TAFA2: variants seen among roughly 807,000 people sequenced by gnomAD.
TAFA2 encodes TAFA chemokine like family member 2.
In TAFA2, 7 loss-of-function variants were observed where a neutral mutation model predicts 18.8. That is an observed-to-expected ratio of 0.37 (90% CI 0.21 to 0.70). TAFA2 has a LOEUF of 0.70. Ranked by LOEUF, TAFA2 falls within the 30% of genes least tolerant of loss-of-function variation. The pLI, the probability that TAFA2 is intolerant of heterozygous loss-of-function variation, is 0.53. For synonymous variants in TAFA2, 60 were observed against 54.2 expected, an observed-to-expected ratio of 1.11 and a Z score of -0.47; for missense variants, 122 against 158.1, an observed-to-expected ratio of 0.77 and a Z score of 1.23.
chr12:61,794,192 C>T (rs937230842), intron 2 of TAFA2, among the ~76,000 whole-genome samples: 6 of 151,934 alleles, frequency 3.9e-5, no homozygotes, highest in Admixed American at 3.3e-4. Context: ...ACTGGTAGTT[C>T]TAACTAGTTC....
chr12:61,878,925 T>C (rs1377364558), intron 1 of TAFA2, among the ~76,000 whole-genome samples: 1 of 152,160 alleles, frequency 6.6e-6, no homozygotes, highest in African/African-American at 2.4e-5. Flanking sequence ...GCAGATGGAA[T>C]CACCCCTCTT....
chr12:61,898,851 T>C (rs1294395536), intron 1 of TAFA2, among the ~76,000 whole-genome samples: 1 of 152,228 alleles, frequency 6.6e-6, no homozygotes, highest in Non-Finnish European at 1.5e-5. Flanking sequence ...GTTTTTCTTT[T>C]CTATTACATC....
intron 1 of TAFA2, among the ~76,000 whole-genome samples, chr12:62,023,195 A>G (rs1022627946): frequency 6.6e-6 from 1 of 152,198 alleles, no homozygotes; most frequent in Non-Finnish European, 1.5e-5. Context: ...TGAAATAACA[A>G]TGGATTGTTA....
chr12:62,010,756 G>A lies in TAFA2; in HGVS notation c.-1-143330C>T, dbSNP rs190670582. Among the ~76,000 whole-genome samples, 307 of 144,308 alleles carry A rather than the reference G, an allele frequency of 2.1e-3. No individual in the cohort carries two copies. In the East Asian group the frequency reaches 0.024, roughly 11 times the overall value. 94.7% of individuals were successfully genotyped at this position (144,308 alleles called of 152,430 possible). A position where few individuals can be genotyped will look rare whatever the true frequency, so the allele number is the denominator to read the frequency against. On this transcript the variant is annotated intron_variant, in intron 1 of 4. Transcript: ENST00000416284. ...TGGGAGGTGAGGGGCGTCTCTGCCC[G>A]GCCCCCCCGTCTGGGAGGTGAGGGG...
rs115941242 is a variant in TAFA2 at position 61,872,932 on chromosome 12, A to C, written c.-1-5506T>G. Reference sequence around the variant, plus strand: ...ATTTATTCTAATCTAAAATTATTCTATTCACTATTTTATACATTTGTATAA... The same window carrying C: ...ATTTATTCTAATCTAAAATTATTCTCTTCACTATTTTATACATTTGTATAA... On this transcript the variant is annotated intron_variant, in intron 1 of 4. Transcript: ENST00000416284. Among the ~76,000 whole-genome samples the C allele has an allele frequency of 7.4e-3, 1,120 of 152,146 alleles. 16 individuals are homozygous for C. Among genetic ancestry groups the C allele is most frequent in the African/African-American group, 0.026 (1,064 of 41,500 alleles).
At chr12:62,108,366 T>C (rs1243255349) in intron 1 of TAFA2, among the ~76,000 whole-genome samples, 1 of 152,238 alleles carries the variant, frequency 6.6e-6, no homozygotes, top group Non-Finnish European at 1.5e-5. Context: ...TGTGCCACAT[T>C]TTCTTTATCC....
chr12:61,716,970 G>A (rs7957259), intron 4 of TAFA2, among the ~76,000 whole-genome samples: 130,205 of 152,186 alleles, frequency 0.86, 55,675 homozygotes, highest in African/African-American at 0.88. Context: ...GGTAAAAGGG[G>A]GAATAGAATA....
chr12:61,709,331 G>A lies in TAFA2; in HGVS notation c.*1075C>T, dbSNP rs532371359. ...AGCAAATATTTATAAATTTGAGACT[G>A]AGGAAAATGAACAATTTTTTCTATC... On this transcript the variant is annotated 3_prime_UTR_variant, in exon 5 of 5. Transcript: ENST00000416284. The A allele has an allele frequency of 1.6e-4, 25 of 152,216 alleles. No homozygotes were observed. The highest frequency in any genetic ancestry group is 3.3e-4 in the Admixed American group (5 of 15,236). 9.4% of individuals were successfully genotyped at this position (152,216 alleles called of 1,614,324 possible).
At chr12:61,983,232 C>A (rs1182991535) in intron 1 of TAFA2, among the ~76,000 whole-genome samples, 1 of 152,094 alleles carries the variant, frequency 6.6e-6, no homozygotes, top group Non-Finnish European at 1.5e-5. Flanking sequence ...TCATTTTATA[C>A]CCATAGGATT....
intron 1 of TAFA2, among the ~76,000 whole-genome samples, chr12:62,186,061 ATCT>A (rs1299487309): frequency 1.3e-5 from 2 of 152,172 alleles, no homozygotes; most frequent in Admixed American, 1.3e-4. Flanking sequence ...CTTTACAAAA[ATCT>A]TCTGTTCTAG....
intron 1 of TAFA2, among the ~76,000 whole-genome samples, chr12:61,898,364 C>T (rs185720043): frequency 1.3e-5 from 2 of 152,352 alleles, no homozygotes; most frequent in African/African-American, 4.8e-5. Flanking sequence ...GGGGCTCCAA[C>T]CCCACATTTC....
chr12:62,113,059 G>GAA (rs1869803071), intron 1 of TAFA2, among the ~76,000 whole-genome samples: 2 of 152,054 alleles, frequency 1.3e-5, no homozygotes, highest in Admixed American at 6.5e-5. Flanking sequence ...AAGGAGAAGA[G>GAA]GGATTCTGTT....
At chr12:61,995,439 T>C (rs1880152262) in intron 1 of TAFA2, among the ~76,000 whole-genome samples, 1 of 152,232 alleles carries the variant, frequency 6.6e-6, no homozygotes, top group Non-Finnish European at 1.5e-5. Flanking sequence ...TTGTATACTA[T>C]GTTTTATCAC....
At chr12:62,010,802 T>G in intron 1 of TAFA2, among the ~76,000 whole-genome samples, 1 of 119,348 alleles carries the variant, frequency 8.4e-6, no homozygotes, top group Non-Finnish European at 1.7e-5. Flanking sequence ...CGGCCACCCT[T>G]CATCTGGGAG....
intron 1 of TAFA2, among the ~76,000 whole-genome samples, chr12:62,119,760 A>G (rs1870112440): frequency 6.6e-6 from 1 of 152,152 alleles, no homozygotes; most frequent in Admixed American, 6.5e-5. Context: ...CCATCATGGT[A>G]TGACTGCATC....
intron 1 of TAFA2, among the ~76,000 whole-genome samples, chr12:62,040,191 T>G (rs1881721213): frequency 2.6e-5 from 4 of 152,106 alleles, no homozygotes; most frequent in Admixed American, 6.6e-5. Context: ...TTCTTTTCAT[T>G]ACACTACAGT....
At chr12:61,749,773 G>T (rs1868920506) in intron 4 of TAFA2, among the ~76,000 whole-genome samples, 2 of 151,900 alleles carry the variant, frequency 1.3e-5, no homozygotes, top group South Asian at 2.1e-4. Context: ...ATTCATAAAG[G>T]TAATCTTCCT....
At chr12:61,777,971 C>A (rs989207036) in intron 2 of TAFA2, among the ~76,000 whole-genome samples, 2 of 151,642 alleles carry the variant, frequency 1.3e-5, no homozygotes, top group African/African-American at 2.4e-5. Flanking sequence ...CTCACAAATG[C>A]CTCCTGAGGA....
intron 1 of TAFA2, among the ~76,000 whole-genome samples, chr12:61,972,051 T>A (rs1565700880): frequency 6.7e-6 from 1 of 150,164 alleles, no homozygotes; most frequent in Non-Finnish European, 1.5e-5. Context: ...GATTTTTGAT[T>A]TTGTGGGGTT....
Sources: gnomAD v4.1 joint callset for allele counts (sites outside exome capture counted in the v4.1 genomes callset) on GRCh38, gnomAD v4.1.1 for gene constraint, MANE v1.5 for transcripts, NCBI Gene and HGNC (gene_info 2026-07-23, HGNC 2026-07-21) for gene names.